FSTL4: variants seen among roughly 807,000 people sequenced by gnomAD.
The protein encoded by FSTL4 is follistatin like 4.
A neutral mutation model predicts 78.2 loss-of-function variants in FSTL4; 28 were observed. The ratio of observed to expected loss-of-function variants is 0.36; its 90% CI spans 0.27 to 0.49. The LOEUF is 0.49. Among genes scored for constraint, FSTL4 ranks in the 20% least tolerant of loss-of-function variants. FSTL4 has a pLI of 0.98. For synonymous variants in FSTL4, 422 were observed against 440.5 expected, an observed-to-expected ratio of 0.96 and a Z score of 0.53; for missense variants, 922 against 1,084.9, an observed-to-expected ratio of 0.85 and a Z score of 2.11.
chr5:133,331,300 G>A (rs1490873581), intron 4 of FSTL4, among the ~76,000 whole-genome samples: 1 of 152,160 alleles, frequency 6.6e-6, no homozygotes, highest in Non-Finnish European at 1.5e-5. Flanking sequence ...GGCAGCTCAT[G>A]GTGTTTTTCT....
intron 4 of FSTL4, among the ~76,000 whole-genome samples, chr5:133,376,893 A>C (rs1755448197): frequency 6.6e-6 from 1 of 150,528 alleles, no homozygotes. Context: ...TGTCTCAAAA[A>C]AAAAAAAAAA....
chr5:133,368,863 C>T (rs762134601), intron 4 of FSTL4, among the ~76,000 whole-genome samples: 2 of 152,220 alleles, frequency 1.3e-5, no homozygotes, highest in Non-Finnish European at 2.9e-5. Flanking sequence ...GTTGGTTTGT[C>T]ATCTAGCCCA....
intron 3 of FSTL4, among the ~76,000 whole-genome samples, chr5:133,452,891 G>A (rs1353709259): frequency 6.6e-6 from 1 of 152,210 alleles, no homozygotes; most frequent in Non-Finnish European, 1.5e-5. Context: ...TATTGCAGGC[G>A]CACTCTGTGC....
At chr5:133,255,857 A>G (rs1752367821) in intron 6 of FSTL4, among the ~76,000 whole-genome samples, 1 of 152,218 alleles carries the variant, frequency 6.6e-6, no homozygotes, top group African/African-American at 2.4e-5. Flanking sequence ...TTCCTATTAC[A>G]GGTTTCCCTT....
At chr5:133,564,830 C>G (rs1390689326) in intron 3 of FSTL4, among the ~76,000 whole-genome samples, 2 of 152,146 alleles carry the variant, frequency 1.3e-5, no homozygotes, top group Non-Finnish European at 2.9e-5. Flanking sequence ...TTCACTTTGC[C>G]CCTACTGTCG....
At chr5:133,247,281 G>T (rs953470158) in intron 7 of FSTL4, 3 of 152,200 alleles carry the variant, frequency 2.0e-5, no homozygotes, top group Non-Finnish European at 4.4e-5. Flanking sequence ...TACCCAAATT[G>T]CTAACCTTAT....
intron 3 of FSTL4, among the ~76,000 whole-genome samples, chr5:133,531,999 C>T (rs536500196): frequency 1.3e-5 from 2 of 152,322 alleles, no homozygotes; most frequent in South Asian, 4.1e-4. Context: ...TGTTCTCTTA[C>T]ACTGCAAAAC....
intron 3 of FSTL4, among the ~76,000 whole-genome samples, chr5:133,464,096 T>C (rs182390319): frequency 6.7e-4 from 102 of 152,320 alleles, no homozygotes; most frequent in South Asian, 2.9e-3. Flanking sequence ...CCGTCTCACG[T>C]CTCAAGGTGC....
intron 6 of FSTL4, among the ~76,000 whole-genome samples, chr5:133,310,549 C>T (rs1256585232): frequency 6.6e-6 from 1 of 152,184 alleles, no homozygotes; most frequent in Non-Finnish European, 1.5e-5. Context: ...CCCAGACCCA[C>T]TCATGGGAAC....
the FSTL4 span, among the ~76,000 whole-genome samples, chr5:133,751,028 C>T: frequency 3.3e-5 from 5 of 152,024 alleles, no homozygotes; most frequent in Admixed American, 1.3e-4. Flanking sequence ...CCCAGCTTGA[C>T]TCTTATCAAG....
At chr5:133,200,489 GCTTGCCTC>G (rs1750287767) in intron 15 of FSTL4, among the ~76,000 whole-genome samples, 1 of 152,254 alleles carries the variant, frequency 6.6e-6, no homozygotes, top group Non-Finnish European at 1.5e-5. Context: ...GGGGCAGGCT[GCTTGCCTC>G]TCTGAGCCTC....
intron 4 of FSTL4, among the ~76,000 whole-genome samples, chr5:133,376,516 A>G (rs1403495435): frequency 1.3e-5 from 2 of 152,198 alleles, no homozygotes; most frequent in Non-Finnish European, 1.5e-5. Context: ...AAATAAATAT[A>G]AATGGTGAAA....
intron 6 of FSTL4, among the ~76,000 whole-genome samples, chr5:133,250,838 C>T (rs1752207656): frequency 6.6e-6 from 1 of 152,188 alleles, no homozygotes; most frequent in South Asian, 2.1e-4. Flanking sequence ...GCCCTGGGCT[C>T]ACAAAGATGA....
chr5:133,550,446 A>G (rs895375327), intron 3 of FSTL4, among the ~76,000 whole-genome samples: 2 of 152,182 alleles, frequency 1.3e-5, no homozygotes, highest in Admixed American at 6.5e-5. Context: ...CCCATACTAC[A>G]GGCCCACTTA....
upstream of FSTL4, among the ~76,000 whole-genome samples, chr5:133,616,074 G>A (rs140203218): frequency 2.8e-3 from 431 of 152,294 alleles, 3 homozygotes; most frequent in African/African-American, 9.9e-3. Context: ...ACTGAAGTCT[G>A]CTACTCTTAA....
rs140467742 is a variant in FSTL4, at chr5:133,277,039, C to T, written c.728-27463G>A. Among the ~76,000 whole-genome samples the T allele has an allele frequency of 8.0e-3, 1,216 of 152,278 alleles. 12 individuals carry two copies. The highest frequency in any genetic ancestry group is 0.016 in the Admixed American group (240 of 15,300). ...GAAAGACAGGGTAATAGGCTGGGCG[C>T]GGTGGCTCACTCCTGTAATTCCAGC... On this transcript the variant is annotated intron_variant, in intron 6 of 15. Coordinates refer to ENST00000265342, the MANE Select transcript of FSTL4 (RefSeq NM_015082.2).
At chr5:133,811,744 C>T in the FSTL4 span, among the ~76,000 whole-genome samples, 6 of 152,208 alleles carry the variant, frequency 3.9e-5, no homozygotes, top group Admixed American at 1.3e-4. Flanking sequence ...CAGAACTCTG[C>T]CATTCCCCAT....
At chr5:133,332,992 C>T (rs1344368103) in intron 4 of FSTL4, among the ~76,000 whole-genome samples, 2 of 151,228 alleles carry the variant, frequency 1.3e-5, no homozygotes, top group African/African-American at 4.9e-5. Context: ...GTGCAGGTGT[C>T]CTCTCTCTCT....
chr5:133,231,286 A>G (rs1442971586), intron 8 of FSTL4, among the ~76,000 whole-genome samples: 3 of 151,848 alleles, frequency 2.0e-5, no homozygotes, highest in Non-Finnish European at 4.4e-5. Context: ...AGTTAGAGCC[A>G]GCTCTGGGCA....
Sources: gnomAD v4.1 joint callset for allele counts (sites outside exome capture counted in the v4.1 genomes callset) on GRCh38, gnomAD v4.1.1 for gene constraint, MANE v1.5 for transcripts, NCBI Gene and HGNC (gene_info 2026-07-23, HGNC 2026-07-21) for gene names.